NRSN2: variants seen among roughly 807,000 people sequenced by gnomAD.
NRSN2 encodes neurensin-2.
Under a neutral mutation model 11.1 loss-of-function variants are expected in NRSN2, and 10 were observed. The observed-to-expected ratio is 0.90, with a 90% CI of 0.56 to 1.53. The LOEUF is 1.53. Among genes scored for constraint, NRSN2 ranks in the 40% most tolerant of loss-of-function variants. The pLI, the probability that NRSN2 is intolerant of heterozygous loss-of-function variation, is 0.00. For missense variants in NRSN2, 260 were observed against 273.7 expected (o/e 0.95, Z 0.35); for synonymous variants, 100 against 117.0 (o/e 0.86, Z 0.94).
Position 349,759 on chromosome 20 carries a change from C to A in NRSN2, c.116C>A (p.Thr39Asn), listed in dbSNP as rs762971833. 1.2e-5 allele frequency: 20 copies of A among 1,613,626 alleles called. No homozygotes were observed. Among genetic ancestry groups the A allele is most frequent in the Non-Finnish European group, 1.7e-5 (20 of 1,180,038 alleles). The change falls in exon 4 of 5, where the codon ACT (threonine) becomes AAT (asparagine). Residue 39 changes from threonine to asparagine, a missense_variant. Thr to Asn is a moderately conservative substitution (Grantham distance 65). Transcript: ENST00000382285. The part of the protein sequence containing the change: ...LHLFYEDCAG[T>N]ALSDDPEGPP... ...CTCTTCTATGAGGACTGTGCAGGCA[C>A]TGCTCTCAGCGACGACCCTGAGGGA...
chr20:349,869 C>T lies in NRSN2; in HGVS notation c.189+37C>T. 4 of 1,572,264 alleles carry T rather than the reference C, an allele frequency of 2.5e-6. No individual in the cohort carries two copies. In the South Asian group the frequency reaches 4.5e-5, roughly 18 times the overall value. On this transcript the variant is annotated intron_variant, in intron 4 of 4. Coordinates refer to ENST00000382285, the MANE Select transcript of NRSN2 (RefSeq NM_001323682.2). ...TGAGCACCTCCCATGATTCCTCTGC[C>T]TTGATGGAGGAAATGAGTCTGAATT...
At chr20:350,829 C>G (rs2013909948) in intron 4 of NRSN2, among the ~76,000 whole-genome samples, 2 of 152,120 alleles carry the variant, frequency 1.3e-5, no homozygotes, top group African/African-American at 4.8e-5. Flanking sequence ...GGTGCCCCTA[C>G]CCTGGTAGCC....
In NRSN2 at chr20:353,221, C is replaced by G. The variant is rs370771761; in HGVS notation, c.201C>G (p.Ser67=). 73 of 1,613,830 alleles carry G rather than the reference C, an allele frequency of 4.5e-5. No individual in the cohort carries two copies. Among genetic ancestry groups the G allele is most frequent in the Non-Finnish European group, 5.6e-5 (66 of 1,179,984 alleles). The change falls in exon 5 of 5, where the codon TCC becomes TCG. Residue 67 remains serine, a synonymous_variant. Coordinates refer to ENST00000382285, the MANE Select transcript of NRSN2 (RefSeq NM_001323682.2). ...CTGCTTCTCCCTAGATCAGCCTGTC[C>G]TCGGGGACCCTGCTTCTGCTGCTGG... ...WPSLCWKISL[S]SGTLLLLLGV...
chr20:350,248 A>C (rs2013824965), intron 4 of NRSN2, among the ~76,000 whole-genome samples: 1 of 152,032 alleles, frequency 6.6e-6, no homozygotes, highest in Non-Finnish European at 1.5e-5. Flanking sequence ...GCGGAGGCTG[A>C]GGCTGGTGGA....
Sources: allele counts gnomAD v4.1 joint callset (sites outside exome capture counted in the v4.1 genomes callset), GRCh38; gene constraint gnomAD v4.1.1; transcripts MANE v1.5; gene names NCBI Gene and HGNC (gene_info 2026-07-23, HGNC 2026-07-21).